Variants in GRXCR2 observed in about 807,000 individuals in gnomAD.
GRXCR2 encodes the protein glutaredoxin and cysteine rich domain containing 2, also known as glutaredoxin domain-containing cysteine-rich protein 2.
In GRXCR2, 23 loss-of-function variants were observed where a neutral mutation model predicts 24.8. The ratio of observed to expected loss-of-function variants is 0.93; its 90% CI spans 0.67 to 1.32. The LOEUF is 1.32. Among genes scored for constraint, GRXCR2 ranks in the 40% most tolerant of loss-of-function variants. GRXCR2 has a pLI of 0.00. For synonymous variants in GRXCR2, 130 were observed against 116.1 expected (o/e 1.12, Z -0.77); for missense variants, 315 against 303.4 (o/e 1.04, Z -0.28).
chr5:145,873,511 G>T (rs1055807984), upstream of GRXCR2, among the ~76,000 whole-genome samples: 1 of 152,128 alleles, frequency 6.6e-6, no homozygotes, highest in Non-Finnish European at 1.5e-5. Context: ...TTCATCATTT[G>T]TCTGCTCTAT....
At chr5:145,866,804 A>T in intron 1 of GRXCR2, 76 bp from the exon 2 acceptor site, 3 of 889,372 alleles carry the variant, frequency 3.4e-6, no homozygotes, top group Non-Finnish European at 5.5e-6. Flanking sequence ...TGTCCAACAT[A>T]CCAGGAAACA....
rs924714193 is a variant in GRXCR2, at chr5:145,859,141, C to T, written c.*592G>A. ...TGTCTGCATAAATATTATCCAAACA[C>T]ACCACATGGAAGAGGTTCAGGACTT... On this transcript the variant is annotated 3_prime_UTR_variant, in exon 3 of 3. Coordinates refer to ENST00000377976, the MANE Select transcript of GRXCR2 (RefSeq NM_001080516.2). 2 of 153,202 alleles carry T rather than the reference C, an allele frequency of 1.3e-5. No homozygotes were observed. The highest frequency in any genetic ancestry group is 2.9e-5 in the Non-Finnish European group (2 of 68,708). The allele number at this position is 153,202 out of a possible 1,614,324, so 9.5% of individuals were successfully genotyped here. A position where few individuals can be genotyped will look rare whatever the true frequency, so the allele number is the denominator to read the frequency against.
intron 2 of GRXCR2, among the ~76,000 whole-genome samples, chr5:145,917,394 T>G (rs1195314025): frequency 2.0e-5 from 3 of 152,006 alleles, no homozygotes; most frequent in Admixed American, 2.0e-4. Flanking sequence ...ATAGAAGAGG[T>G]GTGAGAATGA....
chr5:145,872,365 CTCAG>C (rs1756545546), intron 1 of GRXCR2, among the ~76,000 whole-genome samples: 1 of 152,192 alleles, frequency 6.6e-6, no homozygotes, highest in African/African-American at 2.4e-5. Context: ...TCCAGGAAAA[CTCAG>C]TCAAAGATCC....
intron 2 of GRXCR2, among the ~76,000 whole-genome samples, chr5:145,909,720 G>C (rs1018091232): frequency 1.1e-4 from 16 of 152,168 alleles, no homozygotes; most frequent in Non-Finnish European, 2.1e-4. Flanking sequence ...TTACTGACTA[G>C]TAACAATTCT....
At chr5:145,904,916 G>T (rs928390864) in intron 2 of GRXCR2, among the ~76,000 whole-genome samples, 4 of 152,090 alleles carry the variant, frequency 2.6e-5, no homozygotes, top group Non-Finnish European at 5.9e-5. Flanking sequence ...TCCGTGGCTT[G>T]GGCTTTTTAG....
At chr5:145,929,504 C>G (rs1757451902) in intron 2 of GRXCR2, among the ~76,000 whole-genome samples, 2 of 151,890 alleles carry the variant, frequency 1.3e-5, no homozygotes, top group Non-Finnish European at 1.5e-5. Flanking sequence ...ACAACTTCCC[C>G]CAATCATAAG....
chr5:145,877,779 G>A (rs1756640588), upstream of GRXCR2, among the ~76,000 whole-genome samples: 1 of 152,248 alleles, frequency 6.6e-6, no homozygotes, highest in Non-Finnish European at 1.5e-5. Flanking sequence ...GGGGCCGACA[G>A]ACACCTCATA....
rs188487857 is a variant in GRXCR2, at chr5:145,884,650, C to T, written c.-69-17922G>A. On this transcript the variant is annotated intron_variant, in intron 2 of 3. Transcript: ENST00000639411. ...AATGAAAAAAAAAATGTTCACAATG[C>T]TTGATGGCTGCTTATTTGACTATTC... Among the ~76,000 whole-genome samples, 9 of 152,046 alleles carry T rather than the reference C, an allele frequency of 5.9e-5. No individual in the cohort carries two copies. In the East Asian group the frequency reaches 1.7e-3, roughly 29 times the overall value.
At chr5:145,901,113 A>G (rs541324532) in intron 2 of GRXCR2, among the ~76,000 whole-genome samples, 1 of 147,938 alleles carries the variant, frequency 6.8e-6, no homozygotes, top group Admixed American at 6.7e-5. Flanking sequence ...TCATGGGCAT[A>G]AACATGGCAA....
chr5:145,872,750 G>A lies in GRXCR2; in HGVS notation c.219C>T (p.Pro73=). The part of the protein sequence containing the change: ...GVYGSGEVPR[P]QMCSPKLTAQ... ...CAGTCAGCTTAGGGGAGCACATCTG[G>A]GGCCTGGGGACTTCCCCAGACCCAT... The change falls in exon 1 of 3, where the codon CCC becomes CCT. Residue 73 remains proline (P), a synonymous_variant. Coordinates refer to ENST00000377976, the MANE Select transcript of GRXCR2 (RefSeq NM_001080516.2). The A allele has an allele frequency of 6.2e-7, 1 of 1,614,012 alleles. No homozygotes were observed. Among genetic ancestry groups the A allele is most frequent in the Non-Finnish European group, 8.5e-7 (1 of 1,179,934 alleles).
chr5:145,888,010 T>C (rs901043510), intron 2 of GRXCR2, among the ~76,000 whole-genome samples: 4 of 152,250 alleles, frequency 2.6e-5, no homozygotes, highest in African/African-American at 4.8e-5. Flanking sequence ...TATTGGTTTT[T>C]TAAAGTTATA....
chr5:145,891,278 C>T (rs960401788), intron 2 of GRXCR2, among the ~76,000 whole-genome samples: 1 of 152,122 alleles, frequency 6.6e-6, no homozygotes, highest in Non-Finnish European at 1.5e-5. Context: ...GAATGTCAGA[C>T]AGTGGGTGCA....
chr5:145,872,242 T>A (rs1040459901), intron 1 of GRXCR2, among the ~76,000 whole-genome samples: 1 of 151,714 alleles, frequency 6.6e-6, no homozygotes, highest in Non-Finnish European at 1.5e-5. Context: ...TTGGCTGGAG[T>A]AAAATGAGCA....
chr5:145,928,054 A>G (rs1488411269), intron 2 of GRXCR2, among the ~76,000 whole-genome samples: 2 of 152,122 alleles, frequency 1.3e-5, no homozygotes, highest in East Asian at 1.9e-4. Context: ...ACAAATTTAC[A>G]AGAAAAAAAC....
intron 2 of GRXCR2, among the ~76,000 whole-genome samples, chr5:145,908,919 A>G (rs987048883): frequency 6.6e-6 from 1 of 152,206 alleles, no homozygotes; most frequent in Non-Finnish European, 1.5e-5. Context: ...CTGACCCAAG[A>G]CTTCTGCATC....
Position 145,866,549 on chromosome 5 carries a change from T to C in GRXCR2, c.516A>G (p.Arg172=). 1 of 1,614,124 alleles carries C rather than the reference T, an allele frequency of 6.2e-7. No homozygotes were observed. The highest frequency in any genetic ancestry group is 8.5e-7 in the Non-Finnish European group (1 of 1,180,002). Residue 172 remains arginine (R), a synonymous_variant, in exon 2 of 3, where the codon AGA becomes AGG. Coordinates refer to ENST00000377976, the MANE Select transcript of GRXCR2 (RefSeq NM_001080516.2). ...ESYGGRDQHD[R]PLVEAESTLP... ...ATGTGCTTTCTGCCTCCACCAAAGG[T>C]CTATCGTGCTGGTCCCTGCCTCCAT...
At position 145,925,041 on chromosome 5, in the gene GRXCR2, T is replaced by G. The variant is rs55867613; in HGVS notation, c.-70+10660A>C. Among the ~76,000 whole-genome samples, 990 of 152,310 alleles carry G rather than the reference T, an allele frequency of 6.5e-3. 12 individuals are homozygous for G. The highest frequency in any genetic ancestry group is 7.0e-3 in the Non-Finnish European group (473 of 68,020). ...AAATGGCTAACCTTTACTGAGCACT[T>G]ACTCCTGTCACACTCTTTGGAGCAT... On this transcript the variant is annotated intron_variant, in intron 2 of 3. Coordinates refer to the GRXCR2 transcript ENST00000639411.
chr5:145,901,884 C>G, intron 2 of GRXCR2, among the ~76,000 whole-genome samples: 1 of 152,098 alleles, frequency 6.6e-6, no homozygotes, highest in East Asian at 1.9e-4. Context: ...GCTGCAGAAA[C>G]GACAGTGTCT....
Sources: allele counts gnomAD v4.1 joint callset (sites outside exome capture counted in the v4.1 genomes callset), GRCh38; gene constraint gnomAD v4.1.1; transcripts MANE v1.5; gene names NCBI Gene and HGNC (gene_info 2026-07-23, HGNC 2026-07-21).